The following ENO4 variants were observed in gnomAD, a reference collection of about 807,000 sequenced individuals.
ENO4 encodes the protein enolase 4.
In ENO4, 53 loss-of-function variants were observed where a neutral mutation model predicts 63.2. The observed-to-expected ratio is 0.84, with a 90% CI of 0.67 to 1.05. The LOEUF (loss-of-function observed/expected upper bound fraction) is 1.05, where lower values mean the gene tolerates loss of function less well. Ranked by LOEUF, ENO4 falls within the 50% of genes least tolerant of loss-of-function variation. The pLI is 0.00. For synonymous variants in ENO4, 266 were observed against 283.8 expected (o/e 0.94, Z 0.63); for missense variants, 719 against 772.0 (o/e 0.93, Z 0.81).
In ENO4 at chr10:116,855,684, T is replaced by A. The variant is rs895545811; in HGVS notation, c.227T>A (p.Val76Glu). Residue 76 changes from valine (V) to glutamate (E), a missense_variant, in exon 2 of 14, where the codon GTA becomes GAA. Coordinates refer to ENST00000341276, the MANE Select transcript of ENO4 (RefSeq NM_001242699.2). Reference sequence around the variant, plus strand: ...ATATGCAAAATAGTGGGGAAAGACGTACTAGATGGACTGGGGCTTCCAACC... The same window carrying A: ...ATATGCAAAATAGTGGGGAAAGACGAACTAGATGGACTGGGGCTTCCAACC... ...PTICKIVGKD[V>E]LDGLGLPTLQ... 2 of 1,536,426 alleles carry A rather than the reference T, an allele frequency of 1.3e-6. No homozygotes were observed. The highest frequency in any genetic ancestry group is 2.7e-5 in the African/African-American group (2 of 73,016).
rs1440120958 is a variant in ENO4, at chr10:116,881,572, A to G, written c.1781A>G (p.Glu594Gly). Residue 594 changes from glutamate (E) to glycine (G), a missense_variant, in exon 14 of 14, where the codon GAG (glutamate) becomes GGG (glycine). Glu to Gly is a moderately conservative substitution (Grantham distance 98). This residue lies in a region of ENO4 where 168 missense variants were observed against 163.3 expected (regional missense o/e 1.03). Transcript: ENST00000341276. ...YFNEEAEKAA[E>G]ALEAAAAREP... ...AATGAGGAAGCTGAAAAGGCTGCGG[A>G]GGCACTTGAGGCTGCTGCGGCTAGG... is the stretch of plus-strand genomic sequence containing the variant. 3.2e-6 allele frequency: 5 copies of G among 1,550,338 alleles called. No homozygotes were observed. The East Asian group carries it at 1.2e-4, about 38-fold the overall frequency.
At chr10:116,883,077 TAACAA>T (rs1179778501), downstream of ENO4, 1 of 151,886 alleles carries the variant, frequency 6.6e-6, no homozygotes, top group Non-Finnish European at 1.5e-5. Context: ...GTACAATGAA[TAACAA>T]AATAACTAAA....
downstream of ENO4, among the ~76,000 whole-genome samples, chr10:116,887,431 T>C (rs1375717136): frequency 6.6e-6 from 1 of 152,104 alleles, no homozygotes; most frequent in Non-Finnish European, 1.5e-5. Flanking sequence ...TCTGGTCTTT[T>C]TGGAAAATGC....
intron 10 of ENO4, 30 bp downstream of exon 10, chr10:116,874,231 C>T: frequency 6.7e-7 from 1 of 1,499,356 alleles, no homozygotes; most frequent in Non-Finnish European, 9.0e-7. Context: ...TATTTTATAA[C>T]ATATTTTATA....
chr10:116,879,689 ATC>A (rs1750510757), intron 12 of ENO4, among the ~76,000 whole-genome samples, 178 bp from the exon 13 acceptor site: 1 of 152,212 alleles, frequency 6.6e-6, no homozygotes, highest in Non-Finnish European at 1.5e-5. Context: ...CAGCCACATC[ATC>A]TGTTTGCCTT....
At chr10:116,859,471 A>G (rs1477613779) in intron 4 of ENO4, among the ~76,000 whole-genome samples, 2 of 152,200 alleles carry the variant, frequency 1.3e-5, no homozygotes, top group Non-Finnish European at 2.9e-5. Flanking sequence ...AGCTAATCCA[A>G]AAGCCACTCC....
At chr10:116,893,027 T>C (rs959819433) in intron 10 of ENO4, among the ~76,000 whole-genome samples, 6 of 152,238 alleles carry the variant, frequency 3.9e-5, no homozygotes, top group South Asian at 4.1e-4. Flanking sequence ...TCTGAGAGAA[T>C]TGAGAATTAC....
In ENO4 at chr10:116,882,263, G is replaced by A. The variant is rs565756056; in HGVS notation, c.*594G>A. 1.6e-4 allele frequency: 24 copies of A among 151,674 alleles called. No homozygotes were observed. In the South Asian group the frequency reaches 4.8e-3, roughly 30 times the overall value. 9.4% of individuals were successfully genotyped at this position (151,674 alleles called of 1,614,324 possible). ...TTTCTTGTATTATTTTTATCTTTGC[G>A]AGTCTTCTTAGATCCTTTTTGGAGT... On this transcript the variant is annotated 3_prime_UTR_variant, in exon 14 of 14. Coordinates refer to ENST00000341276, the MANE Select transcript of ENO4 (RefSeq NM_001242699.2).
intron 13 of ENO4, among the ~76,000 whole-genome samples, chr10:116,880,661 G>C (rs1846980587): frequency 6.6e-6 from 1 of 152,152 alleles, no homozygotes; most frequent in African/African-American, 2.4e-5. Flanking sequence ...TGCATCCTAG[G>C]ATTCAGAAAA....
At chr10:116,876,986 A>C (rs527994200) in intron 11 of ENO4, among the ~76,000 whole-genome samples, 26 of 152,052 alleles carry the variant, frequency 1.7e-4, no homozygotes, top group African/African-American at 6.0e-4. Context: ...ATTTACAGAA[A>C]CCATAGAGGT....
chr10:116,896,076 A>G (rs1227645721), intron 10 of ENO4, among the ~76,000 whole-genome samples: 3 of 152,172 alleles, frequency 2.0e-5, no homozygotes, highest in African/African-American at 4.8e-5. Flanking sequence ...TCTTAGATGG[A>G]TATTATTTTA....
At chr10:116,903,270 T>C (rs554127357) in intron 10 of ENO4, among the ~76,000 whole-genome samples, 6 of 152,290 alleles carry the variant, frequency 3.9e-5, no homozygotes, top group Non-Finnish European at 8.8e-5. Flanking sequence ...TGGTGGCTCA[T>C]GCCTGTAATC....
At chr10:116,861,234 AAAATATATATATAT>A in intron 6 of ENO4, 44 bp downstream of exon 6, 3 of 403,932 alleles carry the variant, frequency 7.4e-6, no homozygotes, top group Non-Finnish European at 1.1e-5. Flanking sequence ...AAAAAAAAAA[AAAATATATATATAT>A]ATATATATAC....
chr10:116,860,450 A>T (rs574613042), intron 4 of ENO4, among the ~76,000 whole-genome samples: 1 of 152,336 alleles, frequency 6.6e-6, no homozygotes, highest in African/African-American at 2.4e-5. Flanking sequence ...AAATTTCAAG[A>T]CAGTTCAAAT....
intron 10 of ENO4, among the ~76,000 whole-genome samples, chr10:116,904,177 C>T (rs573654206): frequency 1.3e-5 from 2 of 152,264 alleles, no homozygotes; most frequent in African/African-American, 4.8e-5. Context: ...AGAAAACCAC[C>T]CCAGAGATTC....
intron 10 of ENO4, among the ~76,000 whole-genome samples, chr10:116,902,885 A>G (rs1357474492): frequency 6.6e-6 from 1 of 152,254 alleles, no homozygotes; most frequent in Non-Finnish European, 1.5e-5. Flanking sequence ...TAAAATGGAA[A>G]GCACTAGTGG....
At chr10:116,861,382 T>C (rs146891154) in intron 6 of ENO4, among the ~76,000 whole-genome samples, 192 bp downstream of exon 6, 1 of 152,262 alleles carries the variant, frequency 6.6e-6, no homozygotes, top group Non-Finnish European at 1.5e-5. Context: ...GCAACTTAGA[T>C]GTCTGGTTTC....
At chr10:116,855,136 T>C (rs1036078860) in intron 1 of ENO4, among the ~76,000 whole-genome samples, 2 of 151,096 alleles carry the variant, frequency 1.3e-5, no homozygotes, top group African/African-American at 4.9e-5. Flanking sequence ...CTACTAAAAA[T>C]ACAAAAATTA....
At position 116,881,740 on chromosome 10, in the gene ENO4, G is replaced by GT; in HGVS notation, c.*72dup. ...ACCGGGAGGTCTGAAGTACGGCGCC[G>GT]TGTCTCCACATGGAGTTTCCTCTTC... On this transcript the variant is annotated 3_prime_UTR_variant, in exon 14 of 14. Transcript: ENST00000341276. 1 of 1,197,576 alleles carries GT rather than the reference G, an allele frequency of 8.4e-7. No individual in the cohort carries two copies. The highest frequency in any genetic ancestry group is 1.1e-6 in the Non-Finnish European group (1 of 920,726). 74.2% of individuals were successfully genotyped at this position (1,197,576 alleles called of 1,614,324 possible). A position where few individuals can be genotyped will look rare whatever the true frequency, so the allele number is the denominator to read the frequency against.
Sources: gnomAD v4.1 joint callset for allele counts (sites outside exome capture counted in the v4.1 genomes callset) on GRCh38, gnomAD v4.1.1 for gene constraint, gnomAD v4.1.1 regional missense constraint, MANE v1.5 for transcripts, NCBI Gene and HGNC (gene_info 2026-07-23, HGNC 2026-07-21) for gene names.